CAMTA1: variants seen among roughly 807,000 people sequenced by gnomAD.
CAMTA1 encodes the protein calmodulin-binding transcription activator 1.
CAMTA1 carries 27 observed loss-of-function variants against 170.9 expected under a neutral mutation model. The ratio of observed to expected loss-of-function variants is 0.16; its 90% confidence interval spans 0.12 to 0.22. The LOEUF (loss-of-function observed/expected upper bound fraction) is 0.22. Ranked by LOEUF, CAMTA1 falls within the 10% of genes least tolerant of loss-of-function variation. The pLI, the probability that CAMTA1 is intolerant of heterozygous loss-of-function variation, is 1.00. For synonymous variants in CAMTA1, 833 were observed against 891.5 expected (o/e 0.93, Z 1.17); for missense variants, 1,619 against 2,217.2 (o/e 0.73, Z 5.42).
chr1:7,507,231 C>T (rs1485846812), intron 6 of CAMTA1, among the ~76,000 whole-genome samples: 1 of 151,038 alleles, frequency 6.6e-6, no homozygotes, highest in Admixed American at 6.6e-5. Context: ...CACTTGCTCA[C>T]ACAAAACTCA....
At chr1:7,238,537 A>C (rs112397967) in intron 4 of CAMTA1, among the ~76,000 whole-genome samples, 4 of 152,236 alleles carry the variant, frequency 2.6e-5, no homozygotes, top group Admixed American at 6.5e-5. Flanking sequence ...CAGGGCTCCC[A>C]GGGGCTCAGC....
At chr1:7,507,685 A>AGG (rs1051410267) in intron 6 of CAMTA1, among the ~76,000 whole-genome samples, 8 of 152,334 alleles carry the variant, frequency 5.3e-5, no homozygotes, top group African/African-American at 1.9e-4. Context: ...GGCAACAGGT[A>AGG]GGGGCCCAGG....
intron 4 of CAMTA1, among the ~76,000 whole-genome samples, chr1:7,153,894 CCAAA>C (rs1284879334): frequency 1.3e-5 from 2 of 152,330 alleles, no homozygotes; most frequent in Middle Eastern, 3.4e-3. Flanking sequence ...CATGGTGACA[CCAAA>C]CAAAGACCAA....
chr1:7,419,921 C>T (rs1482368152), intron 5 of CAMTA1, among the ~76,000 whole-genome samples: 4 of 152,114 alleles, frequency 2.6e-5, no homozygotes, highest in Non-Finnish European at 5.9e-5. Context: ...TGCAGTTTTG[C>T]CACGCTGGAC....
At chr1:6,871,384 A>G (rs1668368035) in intron 3 of CAMTA1, among the ~76,000 whole-genome samples, 1 of 152,216 alleles carries the variant, frequency 6.6e-6, no homozygotes, top group Non-Finnish European at 1.5e-5. Context: ...CAAATTTGCA[A>G]AAACTCAATT....
intron 5 of CAMTA1, among the ~76,000 whole-genome samples, chr1:7,360,141 T>C (rs2085431634): frequency 6.6e-6 from 1 of 152,204 alleles, no homozygotes; most frequent in Non-Finnish European, 1.5e-5. Flanking sequence ...CATATTGGAT[T>C]AGTGTCCACC....
At chr1:7,161,578 C>T (rs1391645654) in intron 4 of CAMTA1, among the ~76,000 whole-genome samples, 1 of 152,178 alleles carries the variant, frequency 6.6e-6, no homozygotes, top group Non-Finnish European at 1.5e-5. Flanking sequence ...AGTTTCCCTG[C>T]ACAAGTTCTC....
At chr1:7,707,285 G>A (rs1017673419) in intron 11 of CAMTA1, among the ~76,000 whole-genome samples, 100 of 152,314 alleles carry the variant, frequency 6.6e-4, no homozygotes, top group Non-Finnish European at 1.5e-5. Flanking sequence ...AATCCAGTAC[G>A]TGAATAACAA....
chr1:7,390,213 C>G (rs1211715654), intron 5 of CAMTA1, among the ~76,000 whole-genome samples: 1 of 152,184 alleles, frequency 6.6e-6, no homozygotes, highest in East Asian at 1.9e-4. Context: ...CCAAGCCTCC[C>G]TCTCTTAAGC....
chr1:6,807,003 A>G, intron 1 of CAMTA1: 1 of 655,442 alleles, frequency 1.5e-6, no homozygotes. Context: ...GGACAGACCC[A>G]GTCTCTGTCC....
chr1:7,148,590 G>C (rs910784389), intron 4 of CAMTA1, among the ~76,000 whole-genome samples: 1 of 152,170 alleles, frequency 6.6e-6, no homozygotes, highest in Non-Finnish European at 1.5e-5. Context: ...GCCACCTTCT[G>C]AGTGAGCACC....
chr1:7,711,119 C>G (rs1163727650), intron 11 of CAMTA1, among the ~76,000 whole-genome samples: 1 of 152,230 alleles, frequency 6.6e-6, no homozygotes, highest in African/African-American at 2.4e-5. Context: ...AGTCCAAGAT[C>G]AGTGCCAGCA....
chr1:7,460,378 T>G (rs1406755298), intron 5 of CAMTA1, among the ~76,000 whole-genome samples: 1 of 152,178 alleles, frequency 6.6e-6, no homozygotes, highest in Non-Finnish European at 1.5e-5. Flanking sequence ...GCAACAGGGC[T>G]CTTTGATTTG....
chr1:7,659,728 A>AG (rs58465186), intron 7 of CAMTA1, among the ~76,000 whole-genome samples: 38,754 of 152,088 alleles, frequency 0.25, 5,035 homozygotes, highest in Middle Eastern at 0.36. Context: ...GCCAGGCCCC[A>AG]GGCAGGGCCA....
intron 3 of CAMTA1, among the ~76,000 whole-genome samples, chr1:7,053,973 G>C (rs6700922): frequency 6.6e-6 from 1 of 152,074 alleles, no homozygotes; most frequent in Non-Finnish European, 1.5e-5. Context: ...GCCCATTTTG[G>C]GGACTTGCTG....
intron 5 of CAMTA1, among the ~76,000 whole-genome samples, chr1:7,361,543 C>A (rs2085533558): frequency 6.6e-6 from 1 of 152,224 alleles, no homozygotes; most frequent in Admixed American, 6.5e-5. Flanking sequence ...TCCCTGCTAG[C>A]TGTGTAGAAG....
chr1:7,627,773 A>G (rs1412853376), intron 6 of CAMTA1, among the ~76,000 whole-genome samples: 1 of 152,238 alleles, frequency 6.6e-6, no homozygotes, highest in Non-Finnish European at 1.5e-5. Flanking sequence ...TGTGTAAAGC[A>G]GATGGGGCCA....
intron 11 of CAMTA1, among the ~76,000 whole-genome samples, chr1:7,699,387 A>G (rs948110505): frequency 6.6e-6 from 1 of 152,194 alleles, no homozygotes; most frequent in African/African-American, 2.4e-5. Flanking sequence ...AATACAATGT[A>G]TGGACTTGTG....
intron 6 of CAMTA1, among the ~76,000 whole-genome samples, chr1:7,630,238 C>T (rs1268101089): frequency 1.3e-5 from 2 of 152,138 alleles, no homozygotes; most frequent in African/African-American, 4.8e-5. Flanking sequence ...TTTCAGAGGC[C>T]TCTGGAAAGT....
Sources: allele counts gnomAD v4.1 joint callset (sites outside exome capture counted in the v4.1 genomes callset), GRCh38; gene constraint gnomAD v4.1.1; transcripts MANE v1.5; gene names NCBI Gene and HGNC (gene_info 2026-07-23, HGNC 2026-07-21).